ANO4: variants seen among roughly 807,000 people sequenced by gnomAD.
ANO4 encodes anoctamin 4.
A neutral mutation model predicts 141.9 loss-of-function variants in ANO4; 69 were observed. That is an observed-to-expected ratio of 0.49 (90% confidence interval 0.40 to 0.59). The LOEUF (loss-of-function observed/expected upper bound fraction) is 0.59. Among genes scored for constraint, ANO4 ranks in the 20% least tolerant of loss-of-function variants. The pLI is 0.00. For missense variants in ANO4, 894 were observed against 1,162.2 expected (o/e 0.77, Z 3.36); for synonymous variants, 350 against 394.3 (o/e 0.89, Z 1.33).
intron 1 of ANO4, among the ~76,000 whole-genome samples, chr12:100,820,975 G>A (rs1381491766): frequency 6.6e-6 from 1 of 151,982 alleles, no homozygotes; most frequent in Non-Finnish European, 1.5e-5. Context: ...ATTATAGCTA[G>A]TTGTTGGAAC....
intron 17 of ANO4, among the ~76,000 whole-genome samples, chr12:101,089,626 T>C (rs1473469514): frequency 1.3e-5 from 2 of 152,218 alleles, no homozygotes; most frequent in Non-Finnish European, 1.5e-5. Context: ...ATCTATTTCC[T>C]CCAATGTCTT....
At chr12:101,047,016 G>A (rs7136472) in intron 13 of ANO4, among the ~76,000 whole-genome samples, 21,580 of 152,182 alleles carry the variant, frequency 0.14, 1,727 homozygotes, top group Non-Finnish European at 0.17. Context: ...TTAGGAGGCC[G>A]AGGCAGGCGG....
chr12:101,066,991 G>GAA, intron 14 of ANO4: 4 of 199,430 alleles, frequency 2.0e-5, no homozygotes, highest in South Asian at 1.8e-4. Flanking sequence ...AGAACTTAAA[G>GAA]TATAACAAAA....
chr12:101,120,423 C>T (rs2051038724), intron 25 of ANO4, 97 bp from the exon 26 acceptor site: 1 of 1,020,042 alleles, frequency 9.8e-7, no homozygotes, highest in Non-Finnish European at 1.5e-6. Context: ...CTTCAAATTT[C>T]CCTCCTATTG....
chr12:101,054,562 C>G (rs1372277494), intron 14 of ANO4, among the ~76,000 whole-genome samples: 1 of 152,196 alleles, frequency 6.6e-6, no homozygotes, highest in East Asian at 1.9e-4. Flanking sequence ...TGCAGTGGCA[C>G]AATCTCGGCT....
chr12:100,791,397 G>A (rs1447065605), upstream of ANO4, among the ~76,000 whole-genome samples: 1 of 152,080 alleles, frequency 6.6e-6, no homozygotes, highest in African/African-American at 2.4e-5. Flanking sequence ...ATGGCAGAGC[G>A]AGACTCTGTC....
chr12:100,987,478 C>T, intron 7 of ANO4, 61 bp from the exon 8 acceptor site: 1 of 1,584,516 alleles, frequency 6.3e-7, no homozygotes, highest in Non-Finnish European at 8.6e-7. Flanking sequence ...GACCTTCCTC[C>T]TGTGTTTCAG....
In ANO4 at chr12:101,127,034, G is replaced by T. The variant is rs1213896214; in HGVS notation, c.2832G>T (p.Lys944Asn). 1 of 1,614,052 alleles carries T rather than the reference G, an allele frequency of 6.2e-7. No homozygotes were observed. Among genetic ancestry groups the T allele is most frequent in the Admixed American group, 1.7e-5 (1 of 59,990 alleles). The change falls in exon 27 of 28, where the codon AAG (lysine) becomes AAT (asparagine). Residue 944 changes from lysine (K) to asparagine (N), a missense_variant. Physicochemically the swap from Lys to Asn is moderately conservative, Grantham distance 94 (BLOSUM62 0). Transcript: ENST00000392977. ...TCCAGAAGGAACGAAAGGAGAGGAAGAAGAATGGAAAAGCACACCACAACG... is the reference window on the plus strand; with the variant it reads ...TCCAGAAGGAACGAAAGGAGAGGAATAAGAATGGAAAAGCACACCACAACG... ...ERLQKERKER[K>N]KNGKAHHNEW...
At chr12:100,748,617 T>C (rs1484847839) in intron 3 of ANO4, among the ~76,000 whole-genome samples, 1 of 152,206 alleles carries the variant, frequency 6.6e-6, no homozygotes, top group Non-Finnish European at 1.5e-5. Flanking sequence ...TTTTTATCCA[T>C]TCTGACAATT....
Position 100,862,807 on chromosome 12 carries a change from G to A in ANO4, c.-140-38839G>A, listed in dbSNP as rs142917850. Among the ~76,000 whole-genome samples, 367 of 152,260 alleles carry A rather than the reference G, an allele frequency of 2.4e-3. 2 individuals carry two copies. Among genetic ancestry groups the A allele is most frequent in the East Asian group, 0.018 (95 of 5,178 alleles). ...TAGGAATTTTCCACTTCGGTATAAT[G>A]TCATGGGATCACCATCATATATGTT... is the stretch of plus-strand genomic sequence containing the variant. On this transcript the variant is annotated intron_variant, in intron 1 of 27. Coordinates refer to ENST00000392977, the MANE Select transcript of ANO4 (RefSeq NM_001286615.2).
chr12:101,066,406 T>A (rs1372509692), intron 14 of ANO4, among the ~76,000 whole-genome samples: 1 of 152,214 alleles, frequency 6.6e-6, no homozygotes, highest in Non-Finnish European at 1.5e-5. Context: ...ATACATTCAG[T>A]GAAGTTGCAG....
intron 5 of ANO4, among the ~76,000 whole-genome samples, chr12:100,949,250 G>T (rs996388300): frequency 1.3e-5 from 2 of 152,134 alleles, no homozygotes; most frequent in African/African-American, 4.8e-5. Context: ...TCTAGAAACT[G>T]TGAGATAATT....
At chr12:100,868,647 C>T (rs1200775254) in intron 1 of ANO4, among the ~76,000 whole-genome samples, 9 of 152,110 alleles carry the variant, frequency 5.9e-5, no homozygotes, top group African/African-American at 1.9e-4. Context: ...AGAAAGCCAC[C>T]ACACCCAGGG....
rs2049517915 is a variant in ANO4 at position 101,086,714 on chromosome 12, G to A, written c.1591G>A (p.Val531Ile). ...GATCGTCATTTACCGGGTGGTGACT[G>A]TCAGCACTTTCGCTGCCTTTAAGTG... ...FGIVIYRVVT[V>I]STFAAFKWAL... is the part of the protein sequence containing the mutation. Residue 531 changes from valine (V) to isoleucine (I), a missense_variant, in exon 17 of 28, where the codon GTC becomes ATC. Physicochemically the swap from Val to Ile is conservative, Grantham distance 29. Transcript: ENST00000392977. 2 of 1,613,764 alleles carry A rather than the reference G, an allele frequency of 1.2e-6. No homozygotes were observed. The highest frequency in any genetic ancestry group is 1.7e-5 in the Admixed American group (1 of 59,996).
chr12:101,099,639 A>G lies in ANO4; in HGVS notation c.2068A>G (p.Ile690Val). Residue 690 changes from isoleucine to valine, a missense_variant, in exon 22 of 28, where the codon ATA becomes GTA. Coordinates refer to ENST00000392977, the MANE Select transcript of ANO4 (RefSeq NM_001286615.2). Reference sequence around the variant, plus strand: ...ACAAGAACATGGACCTGAAAGGAAAATAAGTTTCCCACAATGGGAAAAGGA... The same window carrying G: ...ACAAGAACATGGACCTGAAAGGAAAGTAAGTTTCCCACAATGGGAAAAGGA... ...VRQEHGPERK[I>V]SFPQWEKDYN... 1.2e-6 allele frequency: 2 copies of G among 1,612,518 alleles called. No homozygotes were observed. Among genetic ancestry groups the G allele is most frequent in the South Asian group, 1.1e-5 (1 of 90,680 alleles).
At chr12:100,828,364 G>A (rs993063870) in intron 1 of ANO4, among the ~76,000 whole-genome samples, 11 of 151,994 alleles carry the variant, frequency 7.2e-5, no homozygotes, top group Non-Finnish European at 1.5e-4. Context: ...TGACTCATGC[G>A]GGGAGAGTCA....
At chr12:100,982,495 A>G (rs2044514603) in intron 7 of ANO4, among the ~76,000 whole-genome samples, 1 of 152,264 alleles carries the variant, frequency 6.6e-6, no homozygotes, top group African/African-American at 2.4e-5. Flanking sequence ...GGAGATTCAC[A>G]GATTTTGAAC....
chr12:101,055,209 A>G (rs1172332676), intron 14 of ANO4, among the ~76,000 whole-genome samples: 1 of 152,246 alleles, frequency 6.6e-6, no homozygotes, highest in Admixed American at 6.5e-5. Context: ...TAAAAGTGGC[A>G]TTGCTGGATC....
At chr12:101,084,730 G>T (rs1282903834) in intron 16 of ANO4, among the ~76,000 whole-genome samples, 1 of 152,124 alleles carries the variant, frequency 6.6e-6, no homozygotes, top group Admixed American at 6.6e-5. Flanking sequence ...GTCATGCTTT[G>T]CCTTCTATGT....
Sources: allele counts gnomAD v4.1 joint callset (sites outside exome capture counted in the v4.1 genomes callset), GRCh38; gene constraint gnomAD v4.1.1; transcripts MANE v1.5; gene names NCBI Gene and HGNC (gene_info 2026-07-23, HGNC 2026-07-21).